Variants in GIT2 observed in about 807,000 individuals in gnomAD.
GIT2 encodes the protein GIT ArfGAP 2.
GIT2 carries 32 observed loss-of-function variants against 100.3 expected under a neutral mutation model. The observed-to-expected ratio is 0.32, with a 90% CI of 0.24 to 0.43. The LOEUF (loss-of-function observed/expected upper bound fraction) is 0.43, where lower values mean the gene tolerates loss of function less well. Ranked by LOEUF, GIT2 falls within the 20% of genes least tolerant of loss-of-function variation. GIT2 has a pLI of 1.00. For missense variants in GIT2, 737 were observed against 975.1 expected, an observed-to-expected ratio of 0.76 and a Z score of 3.25; for synonymous variants, 353 against 364.1, an observed-to-expected ratio of 0.97 and a Z score of 0.35.
intron 18 of GIT2, among the ~76,000 whole-genome samples, chr12:109,935,066 G>A (rs1470621415): frequency 6.6e-6 from 1 of 150,700 alleles, no homozygotes; most frequent in African/African-American, 2.4e-5. Context: ...GGATAAAAGC[G>A]AGATTCCGTC....
At chr12:109,967,950 T>A (rs745755821) in intron 7 of GIT2, among the ~76,000 whole-genome samples, 1 of 152,158 alleles carries the variant, frequency 6.6e-6, no homozygotes, top group African/African-American at 2.4e-5. Context: ...AGGGACTCCA[T>A]CTGCAAGGAA....
chr12:109,984,304 A>T (rs1886915670), intron 4 of GIT2, among the ~76,000 whole-genome samples: 2 of 151,994 alleles, frequency 1.3e-5, no homozygotes, highest in Admixed American at 1.3e-4. Flanking sequence ...CCCAGCTACT[A>T]AGGAGGCTGA....
Position 109,980,044 on chromosome 12 carries a change from G to A in GIT2, c.718+908C>T, listed in dbSNP as rs151274221. ...ATACACAAGGTATAAATAATTGGGC[G>A]CGGCTTTCTTGCAATAAAACTTTAT... On this transcript the variant is annotated intron_variant, in intron 7 of 19. Transcript: ENST00000355312. Among the ~76,000 whole-genome samples, 672 of 152,302 alleles carry A rather than the reference G, an allele frequency of 4.4e-3. 2 individuals are homozygous for A. The highest frequency in any genetic ancestry group is 8.0e-3 in the Non-Finnish European group (542 of 68,026).
At chr12:109,999,551 C>A, upstream of GIT2, 1 of 576,184 alleles carries the variant, frequency 1.7e-6, no homozygotes, top group Non-Finnish European at 2.6e-6. This position sits in a 1 kb window ranked among gnomAD's most constrained non-coding sequence, Gnocchi z 4.3. Flanking sequence ...CGCACCCGAC[C>A]GGCTCAGCCG....
intron 2 of GIT2, among the ~76,000 whole-genome samples, chr12:109,991,362 C>T (rs1481374833): frequency 1.3e-5 from 2 of 150,438 alleles, no homozygotes; most frequent in African/African-American, 4.9e-5. Flanking sequence ...AACAGAGCAA[C>T]AGTACCAAGA....
At position 109,968,643 on chromosome 12, in the gene GIT2, G is replaced by C. The variant is rs544791467; in HGVS notation, c.719-1140C>G. 1.5e-3 allele frequency among the ~76,000 whole-genome samples: 230 copies of C among 152,222 alleles called. 1 individual carries two copies. Among genetic ancestry groups the C allele is most frequent in the Non-Finnish European group, 1.5e-3 (100 of 68,028 alleles). Reference sequence around the variant, plus strand: ...TCTCCACGTTGGTCAGGCTGGTCTTGAACTCCTGACCTCAGGTGATCTGCC... The same window carrying C: ...TCTCCACGTTGGTCAGGCTGGTCTTCAACTCCTGACCTCAGGTGATCTGCC... On this transcript the variant is annotated intron_variant, in intron 7 of 19. Coordinates refer to ENST00000355312, the MANE Select transcript of GIT2 (RefSeq NM_057169.5).
intron 15 of GIT2, 84 bp from the exon 16 acceptor site, chr12:109,945,433 C>G: frequency 1.4e-6 from 1 of 729,492 alleles, no homozygotes; most frequent in Non-Finnish European, 2.5e-6. Context: ...TAAAAGAATC[C>G]TGGAACACCA....
chr12:109,989,548 TAATAG>T, intron 3 of GIT2, 137 bp downstream of exon 3: 1 of 604,904 alleles, frequency 1.7e-6, no homozygotes, highest in Non-Finnish European at 2.9e-6. Context: ...TCTGCATTTC[TAATAG>T]CAAAGAACCT....
chr12:109,971,697 T>C (rs903389047), intron 7 of GIT2, among the ~76,000 whole-genome samples: 1 of 151,786 alleles, frequency 6.6e-6, no homozygotes, highest in African/African-American at 2.4e-5. Flanking sequence ...TCTAAAGAAA[T>C]GTGATGGATT....
chr12:109,948,523 A>G lies in GIT2; in HGVS notation c.1393-1019T>C, dbSNP rs564473204. 2.3e-5 allele frequency: 29 copies of G among 1,263,504 alleles called. No individual in the cohort carries two copies. The East Asian group carries it at 5.6e-4, about 24-fold the overall frequency. 78.3% of individuals were successfully genotyped at this position (1,263,504 alleles called of 1,614,324 possible). ...TTACTCTTTGGCATCTGGCATTTTA[A>G]ACACCATTCACCACGTCCATTCTGC... On this transcript the variant is annotated intron_variant, in intron 14 of 19. Transcript: ENST00000355312. The surrounding 1 kb of genome is among the most constrained non-coding windows in gnomAD (Gnocchi z 4.3).
intron 1 of GIT2, among the ~76,000 whole-genome samples, chr12:109,994,723 C>T (rs757088423): frequency 2.0e-5 from 3 of 152,050 alleles, no homozygotes; most frequent in Non-Finnish European, 4.4e-5. Flanking sequence ...TATCAAGAAG[C>T]AAAACAATAT....
In GIT2 at chr12:109,952,826, G is replaced by A. The variant is rs560784228; in HGVS notation, c.1242+266C>T. On this transcript the variant is annotated intron_variant, in intron 13 of 19. Transcript: ENST00000355312. ...AGGAAAGGGACGAGGCCTCATTCAG[G>A]AGAGTAATATCCAGAGAAGTCACTC... The A allele has an allele frequency of 2.8e-5, 15 of 533,580 alleles. 1 individual carries two copies. The highest frequency in any genetic ancestry group is 2.6e-4 in the South Asian group (13 of 49,158). The allele number at this position is 533,580 out of a possible 1,614,324, so 33.1% of individuals were successfully genotyped here.
chr12:109,994,075 CAAAAAAAAAAAA>C (rs34393850), intron 1 of GIT2, among the ~76,000 whole-genome samples: 2,030 of 59,732 alleles, frequency 0.034, 30 homozygotes, highest in Non-Finnish European at 0.055. Context: ...ACACTAATGG[CAAAAAAAAAAAA>C]AAAAAAAAAA....
At position 109,947,293 on chromosome 12, in the gene GIT2, T is replaced by G. The variant is rs757519589; in HGVS notation, c.1604A>C (p.Glu535Ala). 1.2e-6 allele frequency: 2 copies of G among 1,614,162 alleles called. No homozygotes were observed. The highest frequency in any genetic ancestry group is 1.7e-6 in the Non-Finnish European group (2 of 1,180,008). ...YLPMGEASRPEESRMRLQPFP... is the reference protein window; with the variant it reads ...YLPMGEASRPAESRMRLQPFP... Reference sequence around the variant, plus strand: ...GGGCTGGAGTCTCATCCTGCTCTCTTCGGGGCGGCTCGCTTCTCCCATTGG... The same window carrying G: ...GGGCTGGAGTCTCATCCTGCTCTCTGCGGGGCGGCTCGCTTCTCCCATTGG... Residue 535 changes from glutamate (E) to alanine (A), a missense_variant, in exon 15 of 20, where the codon GAA (glutamate) becomes GCA (alanine). Glu to Ala is a moderately radical substitution (Grantham distance 107). This residue lies in a region of GIT2 where 451 missense variants were observed against 543.7 expected (regional missense o/e 0.83). Transcript: ENST00000355312. The surrounding 1 kb of genome is among the most constrained non-coding windows in gnomAD (Gnocchi z 4.3).
intron 7 of GIT2, among the ~76,000 whole-genome samples, chr12:109,968,258 A>G (rs1277799114): frequency 6.6e-6 from 1 of 152,066 alleles, no homozygotes; most frequent in Non-Finnish European, 1.5e-5. Context: ...TTTGTTTTTA[A>G]AAGTTTAATC....
In GIT2 at chr12:109,948,538, G is replaced by A. The variant is rs1215820244; in HGVS notation, c.1393-1034C>T. 23 of 1,310,334 alleles carry A rather than the reference G, an allele frequency of 1.8e-5. No homozygotes were observed. In the South Asian group the frequency reaches 3.6e-4, roughly 21 times the overall value. 81.2% of individuals were successfully genotyped at this position (1,310,334 alleles called of 1,614,324 possible). A position where few individuals can be genotyped will look rare whatever the true frequency, so the allele number is the denominator to read the frequency against. ...TGGCATTTTAAACACCATTCACCAC[G>A]TCCATTCTGCGCAGGGTCCTTCCCT... is the stretch of plus-strand genomic sequence containing the variant. On this transcript the variant is annotated intron_variant, in intron 14 of 19. Coordinates refer to ENST00000355312, the MANE Select transcript of GIT2 (RefSeq NM_057169.5). This position sits in a 1 kb window ranked among gnomAD's most constrained non-coding sequence, Gnocchi z 4.3.
At chr12:109,945,552 A>C (rs1200452714) in intron 15 of GIT2, among the ~76,000 whole-genome samples, 1 of 152,204 alleles carries the variant, frequency 6.6e-6, no homozygotes, top group Admixed American at 6.5e-5. Flanking sequence ...TGAATTTAAT[A>C]AGGCTGCTTT....
At chr12:109,990,244 TA>T (rs1218341378) in intron 2 of GIT2, among the ~76,000 whole-genome samples, 1 of 151,960 alleles carries the variant, frequency 6.6e-6, no homozygotes, top group African/African-American at 2.4e-5. Flanking sequence ...ATGTAACCAT[TA>T]AAAAAAACAT....
chr12:109,957,949 A>T lies in GIT2; in HGVS notation c.1099+1898T>A, dbSNP rs60254918. The stretch of plus-strand genomic sequence containing the variant: ...TAAGACTTTGTTTTTTAAGTTAAAA[A>T]TTTTTTTTTTTTTGAAAAGGAGTAT... On this transcript the variant is annotated intron_variant, in intron 12 of 19. Coordinates refer to ENST00000355312, the MANE Select transcript of GIT2 (RefSeq NM_057169.5). 6.3e-3 allele frequency among the ~76,000 whole-genome samples: 909 copies of T among 145,270 alleles called. 10 individuals carry two copies. Among genetic ancestry groups the T allele is most frequent in the African/African-American group, 0.021 (842 of 39,840 alleles).
Sources: allele counts gnomAD v4.1 joint callset (sites outside exome capture counted in the v4.1 genomes callset), GRCh38; gene constraint gnomAD v4.1.1; regional missense constraint gnomAD v4.1.1; non-coding constraint Gnocchi (gnomAD v3.1); transcripts MANE v1.5; gene names NCBI Gene and HGNC (gene_info 2026-07-23, HGNC 2026-07-21).